Variants in TNIP1 observed in about 807,000 individuals in gnomAD.
TNIP1 encodes the protein TNFAIP3 interacting protein 1, also known as TNFAIP3-interacting protein 1.
Under a neutral mutation model 86.6 loss-of-function variants are expected in TNIP1, and 22 were observed. That is an observed-to-expected ratio of 0.25 (90% CI 0.18 to 0.36). The LOEUF is 0.36. Among genes scored for constraint, TNIP1 ranks in the 10% least tolerant of loss-of-function variants. TNIP1 has a pLI of 1.00. For missense variants in TNIP1, 709 were observed against 820.6 expected, an observed-to-expected ratio of 0.86 and a Z score of 1.66; for synonymous variants, 294 against 313.0, an observed-to-expected ratio of 0.94 and a Z score of 0.64.
chr5:151,059,929 G>A (rs947774372), intron 5 of TNIP1, among the ~76,000 whole-genome samples: 1 of 150,602 alleles, frequency 6.6e-6, no homozygotes, highest in Non-Finnish European at 1.5e-5. Flanking sequence ...TGCTCCAAGA[G>A]TCTGCACAAA....
At chr5:151,061,648 C>T (rs1442613837) in intron 4 of TNIP1, among the ~76,000 whole-genome samples, 1 of 152,074 alleles carries the variant, frequency 6.6e-6, no homozygotes, top group African/African-American at 2.4e-5. Context: ...CACCTGACTA[C>T]TTTTTTTCTT....
intron 3 of TNIP1, 100 bp downstream of exon 3, chr5:151,063,513 G>T: frequency 3.3e-6 from 5 of 1,513,070 alleles, no homozygotes; most frequent in Admixed American, 3.7e-5. Context: ...AAGGATAAAC[G>T]AGAGAATGTG....
At chr5:151,036,356 G>T (rs1019930544) in intron 13 of TNIP1, among the ~76,000 whole-genome samples, 57 of 152,274 alleles carry the variant, frequency 3.7e-4, no homozygotes, top group African/African-American at 1.3e-3. Flanking sequence ...AAGGAGAAAA[G>T]AACTCCAGTT....
intron 6 of TNIP1, among the ~76,000 whole-genome samples, chr5:151,055,028 T>C (rs148354657): frequency 5.9e-5 from 9 of 152,278 alleles, no homozygotes; most frequent in East Asian, 5.8e-4. Flanking sequence ...GGCCAATGGA[T>C]AGAATCATCA....
At position 151,033,718 on chromosome 5, in the gene TNIP1, C is replaced by A. The variant is rs1581719689; in HGVS notation, c.1669G>T (p.Ala557Ser). 4 of 1,353,400 alleles carry A rather than the reference C, an allele frequency of 3.0e-6. No homozygotes were observed. The highest frequency in any genetic ancestry group is 3.8e-6 in the Non-Finnish European group (4 of 1,043,562). The allele number at this position is 1,353,400 out of a possible 1,614,324, so 83.8% of individuals were successfully genotyped here. A position where few individuals can be genotyped will look rare whatever the true frequency, so the allele number is the denominator to read the frequency against. ...TCGAAGCCATGGTGTGGCACCATGG[C>A]TGGCATGGGCGGGTAGGCGTAGGGG... The part of the protein sequence containing the change: ...AYPYAYPPMP[A>S]MVPHHGFEDW... Residue 557 changes from alanine to serine, a missense_variant, in exon 16 of 18, where the codon GCC becomes TCC. Coordinates refer to ENST00000521591, the MANE Select transcript of TNIP1 (RefSeq NM_006058.5).
intron 1 of TNIP1, among the ~76,000 whole-genome samples, chr5:151,078,172 GC>G (rs1763600754): frequency 6.6e-6 from 1 of 152,182 alleles, no homozygotes; most frequent in Non-Finnish European, 1.5e-5. Flanking sequence ...GGAAGGCAAA[GC>G]CAGCTCCTTA....
At chr5:151,049,539 T>G (rs1288578310) in intron 8 of TNIP1, among the ~76,000 whole-genome samples, 2 of 152,188 alleles carry the variant, frequency 1.3e-5, no homozygotes, top group African/African-American at 4.8e-5. Context: ...GCACCCAGAC[T>G]GAGCAAACGA....
rs575804388 is a variant in TNIP1 at position 151,050,005 on chromosome 5, G to A, written c.723-58C>T. ...CTGACCCTGAGTTAAGAAACCTACA[G>A]GGCTCCTTAATGCTCACTATCGCAT... On this transcript the variant is annotated intron_variant, in intron 7 of 17. Coordinates refer to ENST00000521591, the MANE Select transcript of TNIP1 (RefSeq NM_006058.5). 9 of 1,608,538 alleles carry A rather than the reference G, an allele frequency of 5.6e-6. No individual in the cohort carries two copies. The African/African-American group carries it at 1.1e-4, about 19-fold the overall frequency.
Position 151,030,758 on chromosome 5 carries a change from A to G in TNIP1, c.1877-11T>C. Reference sequence around the variant, plus strand: ...CATTTTTTGGAGACTCTAAATAAACAAAAATTTTGAGGACTTCATGATTAT... The same window carrying G: ...CATTTTTTGGAGACTCTAAATAAACGAAAATTTTGAGGACTTCATGATTAT... On this transcript the variant is annotated splice_polypyrimidine_tract_variant and intron_variant, in intron 17 of 17. Coordinates refer to ENST00000521591, the MANE Select transcript of TNIP1 (RefSeq NM_006058.5). The G allele has an allele frequency of 1.2e-6, 2 of 1,600,534 alleles. No individual in the cohort carries two copies. Among genetic ancestry groups the G allele is most frequent in the Non-Finnish European group, 1.7e-6 (2 of 1,174,036 alleles).
At chr5:151,053,526 T>C (rs1231012427) in intron 6 of TNIP1, among the ~76,000 whole-genome samples, 2 of 152,090 alleles carry the variant, frequency 1.3e-5, no homozygotes, top group African/African-American at 4.8e-5. Flanking sequence ...CGGGGACTCA[T>C]ATTGGAAGCT....
At position 151,060,363 on chromosome 5, in the gene TNIP1, A is replaced by C. The variant is rs1364939904; in HGVS notation, c.390T>G (p.Pro130=). ...TGCTCTCTGGTGAATTCTGCTCCTC[A>C]GGAGTGACCACTTCAAATTCAGAGG... is the stretch of plus-strand genomic sequence containing the variant. The part of the protein sequence containing the change: ...GTSSEFEVVT[P]EEQNSPESSS... Residue 130 remains proline, a synonymous_variant, in exon 5 of 18, where the codon CCT becomes CCG. Transcript: ENST00000521591. The C allele has an allele frequency of 6.2e-7, 1 of 1,614,164 alleles. No individual in the cohort carries two copies.
chr5:151,056,745 T>C (rs774247078), intron 6 of TNIP1, 21 bp downstream of exon 6: 4 of 1,461,702 alleles, frequency 2.7e-6, no homozygotes, highest in South Asian at 1.4e-5. Flanking sequence ...TGTCTCGGGC[T>C]GCCCTCCCCA....
At chr5:151,034,979 C>G in intron 15 of TNIP1, 23 bp downstream of exon 15, 1 of 1,613,550 alleles carries the variant, frequency 6.2e-7, no homozygotes, top group Non-Finnish European at 8.5e-7. Context: ...GTCAGTGCTG[C>G]TACCTCCCTC....
chr5:151,057,206 G>A (rs953240048), intron 5 of TNIP1, among the ~76,000 whole-genome samples: 2 of 152,232 alleles, frequency 1.3e-5, no homozygotes, highest in African/African-American at 4.8e-5. Flanking sequence ...ACTGGGCCTT[G>A]CAGAGTGCCT....
At chr5:151,059,818 A>AGTGTGTGT (rs1561512723) in intron 5 of TNIP1, among the ~76,000 whole-genome samples, 8 of 103,046 alleles carry the variant, frequency 7.8e-5, no homozygotes, top group African/African-American at 4.0e-4. Context: ...AGAGAGAGAG[A>AGTGTGTGT]GAGAGAGAGA....
chr5:151,038,589 C>T (rs562512144), intron 12 of TNIP1, among the ~76,000 whole-genome samples: 15 of 152,304 alleles, frequency 9.8e-5, no homozygotes, highest in Admixed American at 5.9e-4. Context: ...CCCCTCAGCC[C>T]GTGCTCCTCC....
intron 11 of TNIP1, among the ~76,000 whole-genome samples, chr5:151,040,638 G>A (rs1581753403): frequency 2.0e-5 from 3 of 152,126 alleles, no homozygotes; most frequent in Admixed American, 6.5e-5. Flanking sequence ...GTCTGGCTGC[G>A]AGTCACCAGG....
chr5:151,038,150 G>A (rs1757953304), intron 12 of TNIP1, among the ~76,000 whole-genome samples: 1 of 152,170 alleles, frequency 6.6e-6, no homozygotes, highest in South Asian at 2.1e-4. Flanking sequence ...AACAGGTCAA[G>A]GGCCCCAGAC....
At chr5:151,063,501 C>A in intron 3 of TNIP1, 112 bp downstream of exon 3, 1 of 1,478,792 alleles carries the variant, frequency 6.8e-7, no homozygotes. Context: ...AGCCTGTGAC[C>A]TAAGGATAAA....
Sources: allele counts gnomAD v4.1 joint callset (sites outside exome capture counted in the v4.1 genomes callset), GRCh38; gene constraint gnomAD v4.1.1; transcripts MANE v1.5; gene names NCBI Gene and HGNC (gene_info 2026-07-23, HGNC 2026-07-21).